The following PCM1 variants were observed in gnomAD, a reference collection of about 807,000 sequenced individuals.
The protein encoded by PCM1 is pericentriolar material 1.
Under a neutral mutation model 241.9 loss-of-function variants are expected in PCM1, and 157 were observed. The observed-to-expected ratio is 0.65, with a 90% CI of 0.57 to 0.74. The LOEUF (loss-of-function observed/expected upper bound fraction) is 0.74. Ranked by LOEUF, PCM1 falls within the 30% of genes least tolerant of loss-of-function variation. The probability of loss-of-function intolerance (pLI) is 0.00; values close to 1 mark genes in which losing one functional copy is unlikely to be tolerated. For synonymous variants in PCM1, 1,085 were observed against 784.9 expected (o/e 1.38, Z -6.39); for missense variants, 3,478 against 2,360.1 (o/e 1.47, Z -9.81).
At chr8:17,995,279 A>G (rs1460650148) in intron 29 of PCM1, among the ~76,000 whole-genome samples, 1 of 151,456 alleles carries the variant, frequency 6.6e-6, no homozygotes, top group Non-Finnish European at 1.5e-5. Flanking sequence ...TTTATTGTGA[A>G]GAGACTGTCT....
At chr8:17,960,474 G>T (rs747231198) in intron 15 of PCM1, 30 bp downstream of exon 15, 1 of 1,538,812 alleles carries the variant, frequency 6.5e-7, no homozygotes, top group South Asian at 1.2e-5. Flanking sequence ...CTAATTGTCT[G>T]AAAAAAGATG....
chr8:18,018,668 G>A (rs1170453665), intron 36 of PCM1, among the ~76,000 whole-genome samples: 5 of 151,558 alleles, frequency 3.3e-5, no homozygotes, highest in African/African-American at 9.7e-5. Flanking sequence ...AAAATTAGCT[G>A]GGAGTGCTGA....
intron 29 of PCM1, among the ~76,000 whole-genome samples, chr8:17,998,948 A>G (rs1234877215): frequency 6.6e-6 from 1 of 152,096 alleles, no homozygotes; most frequent in East Asian, 1.9e-4. Flanking sequence ...CACTGTGACC[A>G]CCGGCCCATG....
rs183842386 is a variant in PCM1 at position 17,984,137 on chromosome 8, G to C, written c.4109-1310G>C. Reference sequence around the variant, plus strand: ...TGTTTAAATGGCATATTCATTATTTGAGAATAATTTAATTTTTAATGATAC... The same window carrying C: ...TGTTTAAATGGCATATTCATTATTTCAGAATAATTTAATTTTTAATGATAC... On this transcript the variant is annotated intron_variant, in intron 24 of 38. Coordinates refer to ENST00000325083, the MANE Select transcript of PCM1 (RefSeq NM_006197.4). Among the ~76,000 whole-genome samples, 171 of 152,136 alleles carry C rather than the reference G, an allele frequency of 1.1e-3. 1 individual carries two copies. Among genetic ancestry groups the C allele is most frequent in the Admixed American group, 4.6e-3 (71 of 15,300 alleles).
chr8:17,978,632 T>C (rs1432987909), intron 23 of PCM1, among the ~76,000 whole-genome samples: 2 of 151,954 alleles, frequency 1.3e-5, no homozygotes, highest in African/African-American at 4.8e-5. Context: ...ACCCTCCACA[T>C]GTCAGAATGA....
rs10888148 is a variant in PCM1, at chr8:18,009,024, T to C, written c.4963-523T>C. Among the ~76,000 whole-genome samples, 341 of 45,292 alleles carry C rather than the reference T, an allele frequency of 7.5e-3. 39 individuals carry two copies. The highest frequency in any genetic ancestry group is 0.03 in the South Asian group (67 of 2,226). 29.7% of individuals were successfully genotyped at this position (45,292 alleles called of 152,430 possible). A position where few individuals can be genotyped will look rare whatever the true frequency, so the allele number is the denominator to read the frequency against. On this transcript the variant is annotated intron_variant, in intron 30 of 38. Transcript: ENST00000325083. ...TTTTGAAGAAAAATTTAAATTAGAA[T>C]GGTTGTCTTAAGTAAAGGAGGAAGC... is the stretch of plus-strand genomic sequence containing the variant.
At chr8:18,009,261 T>C (rs1247900478) in intron 30 of PCM1, among the ~76,000 whole-genome samples, 3 of 152,332 alleles carry the variant, frequency 2.0e-5, no homozygotes, top group African/African-American at 7.2e-5. Context: ...TCAGGGAACT[T>C]TCTGGTATTA....
chr8:18,022,560 T>A (rs923729942), intron 36 of PCM1, among the ~76,000 whole-genome samples: 1 of 152,234 alleles, frequency 6.6e-6, no homozygotes, highest in South Asian at 2.1e-4. Flanking sequence ...ATATTTATGG[T>A]TGACTGACTT....
intron 9 of PCM1, 75 bp from the exon 10 acceptor site, chr8:17,955,395 T>G (rs564957156): frequency 9.8e-7 from 1 of 1,019,520 alleles, no homozygotes; most frequent in East Asian, 2.7e-5. Context: ...GTTTTCAATA[T>G]CCAAGCCAAC....
intron 29 of PCM1, among the ~76,000 whole-genome samples, chr8:18,001,800 G>C (rs1419652278): frequency 1.3e-5 from 2 of 151,760 alleles, no homozygotes; most frequent in Non-Finnish European, 2.9e-5. Flanking sequence ...GGAATGTTTT[G>C]AGAGAAGAGA....
intron 4 of PCM1, among the ~76,000 whole-genome samples, chr8:17,938,253 C>T (rs965556995): frequency 2.0e-5 from 3 of 151,854 alleles, no homozygotes; most frequent in Admixed American, 1.3e-4. Context: ...GCAGTGAAAA[C>T]GCGTCAAAAC....
At chr8:18,018,933 T>TAAC (rs969730631) in intron 36 of PCM1, among the ~76,000 whole-genome samples, 3 of 117,798 alleles carry the variant, frequency 2.5e-5, no homozygotes, top group Admixed American at 8.3e-5. Context: ...ATATAATATA[T>TAAC]AACAAAGTTG....
intron 21 of PCM1, among the ~76,000 whole-genome samples, chr8:17,968,160 A>G (rs140298150): frequency 3.9e-5 from 6 of 152,304 alleles, no homozygotes; most frequent in African/African-American, 4.8e-5. Flanking sequence ...TTAGAGTTAT[A>G]AAGCAATGAA....
intron 29 of PCM1, among the ~76,000 whole-genome samples, chr8:17,999,595 G>C (rs747924341): frequency 2.6e-5 from 4 of 152,058 alleles, no homozygotes; most frequent in Non-Finnish European, 5.9e-5. Flanking sequence ...GGAGTCACTT[G>C]CATTGCTGCA....
intron 23 of PCM1, among the ~76,000 whole-genome samples, 177 bp downstream of exon 23, chr8:17,972,864 C>T (rs867729362): frequency 2.6e-5 from 4 of 152,026 alleles, no homozygotes; most frequent in South Asian, 2.1e-4. Flanking sequence ...AAATAATATT[C>T]GAAATAGGGT....
chr8:18,021,832 C>G (rs1337205562), intron 36 of PCM1, among the ~76,000 whole-genome samples: 1 of 152,162 alleles, frequency 6.6e-6, no homozygotes, highest in Non-Finnish European at 1.5e-5. Context: ...ACTGGAAGAC[C>G]TATGCCTTTA....
intron 9 of PCM1, among the ~76,000 whole-genome samples, chr8:17,954,175 C>G (rs2067136852): frequency 6.6e-6 from 1 of 152,106 alleles, no homozygotes; most frequent in Admixed American, 6.6e-5. Context: ...CGCCTGTAAT[C>G]CCAGCACCTT....
intron 10 of PCM1, chr8:17,955,869 T>G: frequency 9.0e-6 from 5 of 553,090 alleles, no homozygotes; most frequent in Non-Finnish European, 1.3e-5. Flanking sequence ...CTGATGTTAC[T>G]TTCTTGTTTT....
intron 28 of PCM1, 85 bp from the exon 29 acceptor site, chr8:17,993,398 A>T: frequency 1.1e-6 from 1 of 886,662 alleles, no homozygotes; most frequent in Non-Finnish European, 1.6e-6. Context: ...CATCAAATTT[A>T]ATATTTTTCA....
Sources: allele counts gnomAD v4.1 joint callset (sites outside exome capture counted in the v4.1 genomes callset), GRCh38; gene constraint gnomAD v4.1.1; transcripts MANE v1.5; gene names NCBI Gene and HGNC (gene_info 2026-07-23, HGNC 2026-07-21).